Variants in MEIOSIN observed in about 807,000 individuals in gnomAD.
MEIOSIN encodes the protein meiosis initiator protein.
MEIOSIN carries 18 observed loss-of-function variants against 23.4 expected under a neutral mutation model. The observed-to-expected ratio is 0.77, with a 90% CI of 0.53 to 1.14. The LOEUF (loss-of-function observed/expected upper bound fraction) is 1.14. Among genes scored for constraint, MEIOSIN ranks in the 50% most tolerant of loss-of-function variants. MEIOSIN has a pLI of 0.00. For missense variants in MEIOSIN, 428 were observed against 242.9 expected (o/e 1.76, Z -5.07); for synonymous variants, 187 against 100.6 (o/e 1.86, Z -5.14).
intron 13 of MEIOSIN, 143 bp from the exon 14 acceptor site, chr19:45,763,195 C>T (rs758538993): frequency 2.3e-5 from 9 of 395,826 alleles, no homozygotes; most frequent in African/African-American, 4.1e-5. Flanking sequence ...TGTGAACAGC[C>T]GCTGAGTCCA....
At chr19:45,738,357 C>A (rs1968443816) in intron 2 of MEIOSIN, among the ~76,000 whole-genome samples, 1 of 152,226 alleles carries the variant, frequency 6.6e-6, no homozygotes, top group Non-Finnish European at 1.5e-5. Flanking sequence ...ATGGCTCAGG[C>A]CTGTAATCCC....
chr19:45,757,148 G>T, intron 8 of MEIOSIN, 29 bp from the exon 9 acceptor site: 1 of 702,426 alleles, frequency 1.4e-6, no homozygotes, highest in Non-Finnish European at 2.6e-6. Flanking sequence ...GAGTCTGTGA[G>T]TCTGACTCTG....
chr19:45,735,644 C>G (rs188440344), intron 2 of MEIOSIN, among the ~76,000 whole-genome samples, 197 bp downstream of exon 2: 74 of 152,292 alleles, frequency 4.9e-4, no homozygotes, highest in African/African-American at 1.7e-3. Flanking sequence ...TGAGAGTACT[C>G]TGAGGTGATC....
At position 45,763,972 on chromosome 19, in the gene MEIOSIN, A is replaced by T; in HGVS notation, c.1771A>T (p.Thr591Ser). 2.5e-6 allele frequency: 1 copy of T among 398,700 alleles called. No homozygotes were observed. Among genetic ancestry groups the T allele is most frequent in the Non-Finnish European group, 4.4e-6 (1 of 226,166 alleles). 24.7% of individuals were successfully genotyped at this position (398,700 alleles called of 1,614,324 possible). ...MTQQERRPYC[T>S]KARRFSRQHN... ...GCCATCCTGCCACCGTCTCCCCAGC[A>T]CCAAGGCTCGCAGGTTCAGCCGCCA... The change falls in exon 15 of 15, where the codon ACC (threonine) becomes TCC (serine). Residue 591 changes from threonine to serine, a missense_variant and splice_region_variant. Coordinates refer to ENST00000457052, the MANE Select transcript of MEIOSIN (RefSeq NM_001310124.2).
intron 7 of MEIOSIN, among the ~76,000 whole-genome samples, chr19:45,755,444 G>A (rs554294112): frequency 2.7e-5 from 4 of 147,834 alleles, no homozygotes; most frequent in African/African-American, 7.5e-5. Context: ...GCACTGTGCC[G>A]GGCCCATTAG....
At chr19:45,759,909 C>G (rs1437784895) in intron 11 of MEIOSIN, among the ~76,000 whole-genome samples, 1 of 152,062 alleles carries the variant, frequency 6.6e-6, no homozygotes, top group Non-Finnish European at 1.5e-5. Flanking sequence ...TCAAACAATT[C>G]TCCTGCCTCA....
At chr19:45,762,223 G>GCTT (rs1262947329) in intron 13 of MEIOSIN, 40 bp downstream of exon 13, 3 of 405,058 alleles carry the variant, frequency 7.4e-6, no homozygotes, top group Non-Finnish European at 8.7e-6. Context: ...GAAGGCCCTG[G>GCTT]CTTCGTTCTC....
chr19:45,736,600 C>G lies in MEIOSIN; in HGVS notation c.71+1153C>G, dbSNP rs200611397. Among the ~76,000 whole-genome samples the G allele has an allele frequency of 2.6e-5, 4 of 151,828 alleles. No homozygotes were observed. The East Asian group carries it at 7.8e-4, about 29-fold the overall frequency. On this transcript the variant is annotated intron_variant, in intron 2 of 14. Coordinates refer to ENST00000457052, the MANE Select transcript of MEIOSIN (RefSeq NM_001310124.2). ...GCCAGGCTGGTCTTGGACTCCTGAC[C>G]TCGCGATCCGCCCGCTGGAGTGCAG...
intron 4 of MEIOSIN, among the ~76,000 whole-genome samples, chr19:45,748,218 C>T (rs1968630264): frequency 6.6e-6 from 1 of 152,106 alleles, no homozygotes; most frequent in Non-Finnish European, 1.5e-5. Flanking sequence ...GCTGGGACTA[C>T]AGGTGCCCGC....
Sources: gnomAD v4.1 joint callset for allele counts (sites outside exome capture counted in the v4.1 genomes callset) on GRCh38, gnomAD v4.1.1 for gene constraint, MANE v1.5 for transcripts, NCBI Gene and HGNC (gene_info 2026-07-23, HGNC 2026-07-21) for gene names.